Variants in GALNT14 observed in about 807,000 individuals in gnomAD.
GALNT14 encodes the protein UDP-GalNAc:polypeptide N-acetylgalactosaminyltransferase 14.
Under a neutral mutation model 77.5 loss-of-function variants are expected in GALNT14, and 60 were observed. The ratio of observed to expected loss-of-function variants is 0.77; its 90% CI spans 0.63 to 0.96. The LOEUF is 0.96. Among genes scored for constraint, GALNT14 ranks in the 40% least tolerant of loss-of-function variants. The probability of loss-of-function intolerance (pLI) is 0.00; values close to 1 mark genes in which losing one functional copy is unlikely to be tolerated. For missense variants in GALNT14, 710 were observed against 731.0 expected (o/e 0.97, Z 0.33); for synonymous variants, 280 against 281.7 (o/e 0.99, Z 0.06).
chr2:31,080,018 C>A (rs537615852), intron 1 of GALNT14, among the ~76,000 whole-genome samples: 1 of 152,214 alleles, frequency 6.6e-6, no homozygotes, highest in Non-Finnish European at 1.5e-5. Context: ...ATGAGCCCTG[C>A]AAACATGAGG....
chr2:31,072,838 C>T (rs1359526079), intron 1 of GALNT14, among the ~76,000 whole-genome samples: 1 of 152,218 alleles, frequency 6.6e-6, no homozygotes, highest in Non-Finnish European at 1.5e-5. Flanking sequence ...CTGCCTTGCT[C>T]TGGGCTTGCT....
intron 11 of GALNT14, among the ~76,000 whole-genome samples, chr2:30,925,243 C>A (rs1665299901): frequency 6.6e-6 from 1 of 152,172 alleles, no homozygotes; most frequent in Non-Finnish European, 1.5e-5. Flanking sequence ...TCAAAAAATC[C>A]TTTTATTTGG....
chr2:30,999,898 G>A (rs774322904), intron 1 of GALNT14, among the ~76,000 whole-genome samples: 2 of 152,186 alleles, frequency 1.3e-5, no homozygotes, highest in African/African-American at 4.8e-5. Flanking sequence ...TGTGAGTGTC[G>A]TAAACACTTC....
Position 30,931,794 on chromosome 2 carries a change from G to A in GALNT14, c.1058+274C>T, listed in dbSNP as rs553788381. On this transcript the variant is annotated intron_variant, in intron 10 of 14. Transcript: ENST00000349752. ...TCTGGAGCCCATGCCCTGCAGGAGG[G>A]CATTGATGGGTGACTTGAAGCCCAC... 9.2e-5 allele frequency among the ~76,000 whole-genome samples: 14 copies of A among 152,202 alleles called. No homozygotes were observed. In the South Asian group the frequency reaches 2.3e-3, roughly 25 times the overall value.
chr2:30,892,018 T>C, the GALNT14 span, among the ~76,000 whole-genome samples: 3 of 152,168 alleles, frequency 2.0e-5, no homozygotes, highest in Non-Finnish European at 4.4e-5. Context: ...CCTACGAATA[T>C]TGACTATTGC....
chr2:30,950,553 G>A lies in GALNT14; in HGVS notation c.655-4683C>T, dbSNP rs79102248. Among the ~76,000 whole-genome samples, 1,401 of 152,202 alleles carry A rather than the reference G, an allele frequency of 9.2e-3. 4 individuals carry two copies. Among genetic ancestry groups the A allele is most frequent in the Non-Finnish European group, 0.015 (994 of 68,004 alleles). On this transcript the variant is annotated intron_variant, in intron 6 of 14. Transcript: ENST00000349752. Reference sequence around the variant, plus strand: ...CACCAGGAAACACAGGCTGACTCACGCCCTCACCCCCTGTCCCCAAAGGGC... The same window carrying A: ...CACCAGGAAACACAGGCTGACTCACACCCTCACCCCCTGTCCCCAAAGGGC...
chr2:30,913,021 T>C (rs1368285084), intron 13 of GALNT14, among the ~76,000 whole-genome samples: 1 of 152,118 alleles, frequency 6.6e-6, no homozygotes, highest in African/African-American at 2.4e-5. Flanking sequence ...GAAATTGGAT[T>C]GACAAGCAGA....
At chr2:30,969,560 A>G (rs1668216132) in intron 2 of GALNT14, among the ~76,000 whole-genome samples, 1 of 152,234 alleles carries the variant, frequency 6.6e-6, no homozygotes, top group Non-Finnish European at 1.5e-5. Flanking sequence ...GCAGTTACGC[A>G]GAGGCATAAC....
intron 1 of GALNT14, among the ~76,000 whole-genome samples, chr2:31,128,383 A>G (rs6543604): frequency 0.71 from 107,931 of 152,130 alleles, 39,255 homozygotes; most frequent in East Asian, 0.97. Context: ...GTGACGTTGG[A>G]TATCTTCTAA....
chr2:31,106,991 A>T (rs770906716), intron 1 of GALNT14, among the ~76,000 whole-genome samples: 2 of 152,218 alleles, frequency 1.3e-5, no homozygotes, highest in African/African-American at 2.4e-5. Flanking sequence ...TGCTGAAAAG[A>T]TTCTGTACCT....
the GALNT14 span, among the ~76,000 whole-genome samples, chr2:30,896,855 A>T: frequency 6.6e-6 from 1 of 150,708 alleles, no homozygotes; most frequent in Non-Finnish European, 1.5e-5. Flanking sequence ...AAAAATAGCC[A>T]TTGTCTATTT....
chr2:31,090,558 C>T (rs990028373), intron 1 of GALNT14, among the ~76,000 whole-genome samples: 2 of 140,024 alleles, frequency 1.4e-5, no homozygotes, highest in Non-Finnish European at 3.0e-5. Flanking sequence ...GATGTGGTCT[C>T]GACTCACTAT....
intron 1 of GALNT14, among the ~76,000 whole-genome samples, chr2:31,077,366 T>A (rs970203635): frequency 1.3e-5 from 2 of 152,212 alleles, no homozygotes; most frequent in African/African-American, 4.8e-5. Flanking sequence ...TCTTTTACCA[T>A]TCACAACTCA....
intron 1 of GALNT14, among the ~76,000 whole-genome samples, chr2:31,087,536 A>AGAGGAGAAGAGCGGAGAGGAG (rs1160670621): frequency 6.6e-6 from 1 of 150,406 alleles, no homozygotes; most frequent in Non-Finnish European, 1.5e-5. Context: ...CGAGGAGAGG[A>AGAGGAGAAGAGCGGAGAGGAG]AGACCTCTAG....
intron 6 of GALNT14, among the ~76,000 whole-genome samples, chr2:30,951,595 G>A (rs1483685974): frequency 6.6e-6 from 1 of 152,204 alleles, no homozygotes; most frequent in Non-Finnish European, 1.5e-5. Flanking sequence ...ACTTTCAAAG[G>A]TTAAAATGGT....
At chr2:31,063,332 CTTGT>C (rs1674723463) in intron 1 of GALNT14, among the ~76,000 whole-genome samples, 1 of 152,156 alleles carries the variant, frequency 6.6e-6, no homozygotes, top group African/African-American at 2.4e-5. Context: ...TTCCCCTTTG[CTTGT>C]TTTTGTCAGG....
chr2:31,069,666 G>C (rs374848809), intron 1 of GALNT14, among the ~76,000 whole-genome samples: 1 of 152,084 alleles, frequency 6.6e-6, no homozygotes, highest in African/African-American at 2.4e-5. Flanking sequence ...CAACCTCCCC[G>C]GAGCAGCAGG....
Position 31,039,421 on chromosome 2 carries a change from A to C in GALNT14, c.130-46414T>G, listed in dbSNP as rs543860025. Among the ~76,000 whole-genome samples, 3 of 152,232 alleles carry C rather than the reference A, an allele frequency of 2.0e-5. No individual in the cohort carries two copies. The South Asian group carries it at 6.2e-4, about 32-fold the overall frequency. Reference sequence around the variant, plus strand: ...TACTATCCTAATTTTACAGATGAGGAAACTAAATGACTTGTCCAAGTTCTC... The same window carrying C: ...TACTATCCTAATTTTACAGATGAGGCAACTAAATGACTTGTCCAAGTTCTC... On this transcript the variant is annotated intron_variant, in intron 1 of 14. Transcript: ENST00000349752.
chr2:30,910,073 G>C (rs1443031147), downstream of GALNT14, among the ~76,000 whole-genome samples: 1 of 112,690 alleles, frequency 8.9e-6, no homozygotes, highest in Non-Finnish European at 1.7e-5. Flanking sequence ...GGTGGGGGGA[G>C]GGGGGAGGGA....
Sources: allele counts gnomAD v4.1 joint callset (sites outside exome capture counted in the v4.1 genomes callset), GRCh38; gene constraint gnomAD v4.1.1; transcripts MANE v1.5; gene names NCBI Gene and HGNC (gene_info 2026-07-23, HGNC 2026-07-21).